GCNT1: variants seen among roughly 807,000 people sequenced by gnomAD.
The protein encoded by GCNT1 is beta-1,3-galactosyl-O-glycosyl-glycoprotein beta-1,6-N-acetylglucosaminyltransferase.
In GCNT1, 16 loss-of-function variants were observed where a neutral mutation model predicts 26.2. The ratio of observed to expected loss-of-function variants is 0.61; its 90% confidence interval spans 0.41 to 0.93. The LOEUF is 0.93. Among genes scored for constraint, GCNT1 ranks in the 40% least tolerant of loss-of-function variants. The pLI is 0.00. For missense variants in GCNT1, 477 were observed against 526.7 expected, an observed-to-expected ratio of 0.91 and a Z score of 0.92; for synonymous variants, 183 against 190.8, an observed-to-expected ratio of 0.96 and a Z score of 0.34.
Position 76,479,550 on chromosome 9 carries a change from A to G in GCNT1, c.-290+19373A>G, listed in dbSNP as rs150639616. ...GTTACCTGACTTTTTAATGATTGCC[A>G]TTCTAACTGGTGTGAGATGGTATCT... On this transcript the variant is annotated intron_variant, in intron 2 of 3. Transcript: ENST00000376730. Among the ~76,000 whole-genome samples, 297 of 152,324 alleles carry G rather than the reference A, an allele frequency of 1.9e-3. 1 individual carries two copies. Among genetic ancestry groups the G allele is most frequent in the African/African-American group, 6.9e-3 (287 of 41,576 alleles).
the GCNT1 span, among the ~76,000 whole-genome samples, chr9:76,414,446 G>A: frequency 6.6e-6 from 1 of 152,198 alleles, no homozygotes. Flanking sequence ...GTGGTCCACA[G>A]AGTAAAGTAA....
At chr9:76,493,106 C>T (rs1177209983) in intron 2 of GCNT1, among the ~76,000 whole-genome samples, 2 of 152,140 alleles carry the variant, frequency 1.3e-5, no homozygotes, top group Admixed American at 1.3e-4. Context: ...TCTTCCTTGC[C>T]CTGAGTTATG....
chr9:76,406,996 G>A, the GCNT1 span, among the ~76,000 whole-genome samples: 422 of 152,310 alleles, frequency 2.8e-3, 3 homozygotes, highest in African/African-American at 8.9e-3. Flanking sequence ...AGCTGAGATT[G>A]TGCCATTGCA....
intron 1 of GCNT1, among the ~76,000 whole-genome samples, chr9:76,424,383 C>T (rs1823234502): frequency 2.0e-5 from 3 of 152,132 alleles, no homozygotes; most frequent in Admixed American, 2.0e-4. Flanking sequence ...CACAGCTTAA[C>T]ATTGTGCCAA....
chr9:76,429,156 T>G (rs958315851), intron 1 of GCNT1, among the ~76,000 whole-genome samples: 5 of 152,236 alleles, frequency 3.3e-5, no homozygotes, highest in African/African-American at 1.2e-4. Flanking sequence ...AATTGTGACA[T>G]AATGTTCCAT....
At chr9:76,480,522 A>G (rs1295850357) in intron 2 of GCNT1, among the ~76,000 whole-genome samples, 4 of 152,076 alleles carry the variant, frequency 2.6e-5, no homozygotes, top group Non-Finnish European at 5.9e-5. Flanking sequence ...GCATAGACTG[A>G]GGGTGTATTT....
intron 1 of GCNT1, among the ~76,000 whole-genome samples, chr9:76,428,607 C>G (rs1823292277): frequency 6.6e-6 from 1 of 152,038 alleles, no homozygotes; most frequent in African/African-American, 2.4e-5. Flanking sequence ...CATCTTCATC[C>G]TCTGAATGGT....
At chr9:76,421,406 C>T (rs974108432) in intron 1 of GCNT1, among the ~76,000 whole-genome samples, 9 of 151,674 alleles carry the variant, frequency 5.9e-5, no homozygotes, top group African/African-American at 2.2e-4. Context: ...TTAAGACCAG[C>T]CTGGCCAACA....
the GCNT1 span, among the ~76,000 whole-genome samples, chr9:76,411,854 T>TCC: frequency 6.6e-6 from 1 of 151,904 alleles, no homozygotes; most frequent in Admixed American, 6.6e-5. Flanking sequence ...GGCATATGCC[T>TCC]CCACACCCAG....
chr9:76,443,556 A>G lies in GCNT1; in HGVS notation c.-290+1241A>G, dbSNP rs1392103614. Among the ~76,000 whole-genome samples the G allele has an allele frequency of 7.2e-5, 11 of 152,346 alleles. No individual in the cohort carries two copies. In the East Asian group the frequency reaches 2.1e-3, roughly 29 times the overall value. The stretch of plus-strand genomic sequence containing the variant: ...AGCGGTTTTCCACCCTGGGTGGGCC[A>G]GGTGTTCCTTGCCCTCATTCCGGTA... On this transcript the variant is annotated intron_variant, in intron 1 of 2. Coordinates refer to the GCNT1 transcript ENST00000442371.
At position 76,504,491 on chromosome 9, in the gene GCNT1, T is replaced by C. The variant is rs1825181526; in HGVS notation, c.*823T>C. On this transcript the variant is annotated 3_prime_UTR_variant, in exon 4 of 4. Transcript: ENST00000376730. ...ACTGCTATCAAGCTGTGTAAAAATT[T>C]ACTTTCACTGGACCCTAAATTATTG... is the stretch of plus-strand genomic sequence containing the variant. 1 of 330,100 alleles carries C rather than the reference T, an allele frequency of 3.0e-6. No individual in the cohort carries two copies. Among genetic ancestry groups the C allele is most frequent in the Non-Finnish European group, 5.8e-6 (1 of 173,686 alleles). The allele number at this position is 330,100 out of a possible 1,614,324, so 20.4% of individuals were successfully genotyped here. A position where few individuals can be genotyped will look rare whatever the true frequency, so the allele number is the denominator to read the frequency against.
At chr9:76,492,567 T>A (rs1824773285) in intron 2 of GCNT1, among the ~76,000 whole-genome samples, 1 of 149,936 alleles carries the variant, frequency 6.7e-6, no homozygotes. Context: ...TGACATGAGC[T>A]GGTGCTTGCC....
upstream of GCNT1, chr9:76,419,756 C>T (rs1823165290): frequency 6.6e-6 from 1 of 152,210 alleles, no homozygotes; most frequent in Admixed American, 6.5e-5. Context: ...TGTGACTTAA[C>T]AGAATTGAAT....
chr9:76,395,823 C>T, the GCNT1 span, among the ~76,000 whole-genome samples: 2 of 152,146 alleles, frequency 1.3e-5, no homozygotes, highest in Admixed American at 6.5e-5. Context: ...TCTGGAGAGG[C>T]TTAAGAGTTA....
intron 1 of GCNT1, among the ~76,000 whole-genome samples, chr9:76,425,887 C>A (rs1436559887): frequency 6.6e-6 from 1 of 152,056 alleles, no homozygotes; most frequent in Non-Finnish European, 1.5e-5. Flanking sequence ...TCAGATGAAC[C>A]AGTTGATTGA....
At chr9:76,428,459 C>A (rs1165264887) in intron 1 of GCNT1, among the ~76,000 whole-genome samples, 1 of 151,476 alleles carries the variant, frequency 6.6e-6, no homozygotes, top group Non-Finnish European at 1.5e-5. Context: ...AATATGAATA[C>A]CTATCACTGA....
rs1273238528 is a variant in GCNT1, at chr9:76,462,085, C to T, written c.-290+1908C>T. On this transcript the variant is annotated intron_variant, in intron 2 of 3. Transcript: ENST00000376730. ...AACAGAAATTACTACTGGAAATGAT[C>T]CCTTCTGACTGTCAAATTCTGTTTT... is the stretch of plus-strand genomic sequence containing the variant. Among the ~76,000 whole-genome samples the T allele has an allele frequency of 1.8e-4, 28 of 151,668 alleles. 1 individual carries two copies. The highest frequency in any genetic ancestry group is 1.8e-3 in the Admixed American group (28 of 15,248).
chr9:76,506,481 A>G lies in GCNT1; in HGVS notation c.*2813A>G, dbSNP rs1825242515. Reference sequence around the variant, plus strand: ...AGCCCAGGAGGCGGAGGTTGCAGTGAGCTGAGATGCCACCACCACACCAGC... The same window carrying G: ...AGCCCAGGAGGCGGAGGTTGCAGTGGGCTGAGATGCCACCACCACACCAGC... On this transcript the variant is annotated 3_prime_UTR_variant, in exon 4 of 4. Coordinates refer to ENST00000376730, the MANE Select transcript of GCNT1 (RefSeq NM_001490.5). 1 of 166,818 alleles carries G rather than the reference A, an allele frequency of 6.0e-6. No individual in the cohort carries two copies. Among genetic ancestry groups the G allele is most frequent in the South Asian group, 2.1e-4 (1 of 4,832 alleles). The allele number at this position is 166,818 out of a possible 1,614,324, so 10.3% of individuals were successfully genotyped here.
At chr9:76,491,769 T>A (rs1824743973) in intron 2 of GCNT1, among the ~76,000 whole-genome samples, 1 of 152,200 alleles carries the variant, frequency 6.6e-6, no homozygotes, top group South Asian at 2.1e-4. Context: ...CATGCTCAAC[T>A]GGTTCCCCAT....
Sources: allele counts gnomAD v4.1 joint callset (sites outside exome capture counted in the v4.1 genomes callset), GRCh38; gene constraint gnomAD v4.1.1; transcripts MANE v1.5; gene names NCBI Gene and HGNC (gene_info 2026-07-23, HGNC 2026-07-21).